The following MECOM variants were observed in gnomAD, a reference collection of about 807,000 sequenced individuals.
MECOM encodes the protein MDS1 and EVI1 complex locus.
MECOM carries 13 observed loss-of-function variants against 116.3 expected under a neutral mutation model. That is an observed-to-expected ratio of 0.11 (90% CI 0.07 to 0.18). MECOM has a LOEUF of 0.18. MECOM is among the 10% of genes least tolerant of loss of function. The probability of loss-of-function intolerance (pLI) is 1.00; values close to 1 mark genes in which losing one functional copy is unlikely to be tolerated. For missense variants in MECOM, 1,299 were observed against 1,509.0 expected, an observed-to-expected ratio of 0.86 and a Z score of 2.31; for synonymous variants, 528 against 535.2, an observed-to-expected ratio of 0.99 and a Z score of 0.19.
chr3:169,270,909 TA>T (rs1329238974), intron 2 of MECOM, among the ~76,000 whole-genome samples: 1 of 152,212 alleles, frequency 6.6e-6, no homozygotes, highest in Non-Finnish European at 1.5e-5. Flanking sequence ...AAAACTTTAG[TA>T]AAAATTATTG....
At chr3:169,114,989 T>C (rs112908379) in intron 8 of MECOM, among the ~76,000 whole-genome samples, 123 of 152,058 alleles carry the variant, frequency 8.1e-4, no homozygotes, top group African/African-American at 2.8e-3. Context: ...CTGTTAGATA[T>C]CCCCCCCATT....
intron 1 of MECOM, among the ~76,000 whole-genome samples, chr3:169,485,119 TGA>T (rs910969723): frequency 2.4e-4 from 37 of 152,074 alleles, no homozygotes; most frequent in African/African-American, 8.2e-4. Flanking sequence ...CTCAGTCTCC[TGA>T]GTAGCTGGGA....
chr3:169,373,262 C>A (rs1421453022), intron 2 of MECOM, among the ~76,000 whole-genome samples: 1 of 151,970 alleles, frequency 6.6e-6, no homozygotes, highest in African/African-American at 2.4e-5. Context: ...GAGAGAAAAT[C>A]ATACAAATGA....
At chr3:169,213,171 C>CA (rs2149479634) in intron 2 of MECOM, among the ~76,000 whole-genome samples, 1 of 151,882 alleles carries the variant, frequency 6.6e-6, no homozygotes, top group East Asian at 1.9e-4. Flanking sequence ...TCCATGAGGG[C>CA]AAAAATAGTT....
At chr3:169,604,308 A>T (rs1299486633) in intron 1 of MECOM, among the ~76,000 whole-genome samples, 1 of 150,534 alleles carries the variant, frequency 6.6e-6, no homozygotes, top group East Asian at 2.0e-4. Context: ...TCACATACAC[A>T]TACTCACTAG....
chr3:169,415,807 T>A (rs1373495560), intron 1 of MECOM, among the ~76,000 whole-genome samples: 2 of 151,938 alleles, frequency 1.3e-5, no homozygotes, highest in African/African-American at 4.8e-5. Flanking sequence ...AAGGAATCAA[T>A]GCAACAAGAA....
chr3:169,445,989 A>G (rs1012912166), intron 1 of MECOM, among the ~76,000 whole-genome samples: 1 of 152,162 alleles, frequency 6.6e-6, no homozygotes, highest in African/African-American at 2.4e-5. Flanking sequence ...CTGTACCCCC[A>G]TTGTAGCTAG....
intron 2 of MECOM, among the ~76,000 whole-genome samples, chr3:169,288,291 A>G (rs1560091648): frequency 6.6e-6 from 1 of 152,184 alleles, no homozygotes; most frequent in Non-Finnish European, 1.5e-5. Flanking sequence ...GGCAAGAAAA[A>G]TAAATATAAG....
intron 1 of MECOM, among the ~76,000 whole-genome samples, chr3:169,405,773 G>T (rs2108423567): frequency 6.6e-6 from 1 of 152,258 alleles, no homozygotes; most frequent in East Asian, 1.9e-4. Context: ...AAATCTCTCA[G>T]TATCTATTCA....
intron 1 of MECOM, among the ~76,000 whole-genome samples, chr3:169,596,370 G>A (rs537989588): frequency 1.3e-5 from 2 of 152,204 alleles, no homozygotes; most frequent in East Asian, 1.9e-4. Flanking sequence ...ACCCTTGATC[G>A]GGCAAACGTA....
chr3:169,404,045 A>T (rs1314373824), intron 1 of MECOM, among the ~76,000 whole-genome samples: 1 of 152,184 alleles, frequency 6.6e-6, no homozygotes, highest in East Asian at 1.9e-4. Context: ...AGACCAAATC[A>T]GTCATTGTTG....
At chr3:169,394,592 G>A (rs531306963) in intron 1 of MECOM, among the ~76,000 whole-genome samples, 3 of 152,072 alleles carry the variant, frequency 2.0e-5, no homozygotes, top group South Asian at 4.2e-4. Context: ...GCAGAGGTAC[G>A]GCAGACACAG....
At chr3:169,221,728 A>C (rs1752162210) in intron 2 of MECOM, among the ~76,000 whole-genome samples, 1 of 152,164 alleles carries the variant, frequency 6.6e-6, no homozygotes, top group South Asian at 2.1e-4. Flanking sequence ...CTGGTAAAAT[A>C]GAAAAAAAAT....
intron 7 of MECOM, 23 bp from the exon 8 acceptor site, chr3:169,116,762 A>T (rs1016131275): frequency 6.4e-7 from 1 of 1,552,180 alleles, no homozygotes; most frequent in African/African-American, 1.4e-5. Context: ...AACAAAAAAG[A>T]ATCTCAGGCT....
rs956257238 is a variant in MECOM, at chr3:169,237,704, A to T, written c.376-93872T>A. ...TAAAAGAATGACTATGCTTCCCAAA[A>T]ATCACTGCATACCTGAACACCAGAG... On this transcript the variant is annotated intron_variant, in intron 2 of 16. Coordinates refer to ENST00000651503, the MANE Select transcript of MECOM (RefSeq NM_004991.4). Among the ~76,000 whole-genome samples, 15 of 152,110 alleles carry T rather than the reference A, an allele frequency of 9.9e-5. No homozygotes were observed. In the East Asian group the frequency reaches 2.3e-3, roughly 24 times the overall value.
chr3:169,097,951 C>G (rs781055338), intron 12 of MECOM, among the ~76,000 whole-genome samples: 4 of 151,090 alleles, frequency 2.6e-5, no homozygotes, highest in Non-Finnish European at 5.9e-5. Context: ...GTATTAAAAC[C>G]TAATAGAACT....
At chr3:169,521,741 A>G (rs77384892) in intron 1 of MECOM, among the ~76,000 whole-genome samples, 3,110 of 152,300 alleles carry the variant, frequency 0.02, 107 homozygotes, top group African/African-American at 0.071. Flanking sequence ...TGCACACTCA[A>G]GTTTGAGAAA....
chr3:169,569,281 C>CAAG (rs1763606091), intron 1 of MECOM, among the ~76,000 whole-genome samples: 1 of 151,852 alleles, frequency 6.6e-6, no homozygotes, highest in African/African-American at 2.4e-5. Flanking sequence ...ATCAATGCAA[C>CAAG]AAGAAGAGCT....
At chr3:169,331,089 T>C (rs909436395) in intron 2 of MECOM, among the ~76,000 whole-genome samples, 7 of 152,128 alleles carry the variant, frequency 4.6e-5, no homozygotes, top group African/African-American at 1.7e-4. Context: ...CCCTGTTTAT[T>C]ATGTTCTAGA....
Sources: gnomAD v4.1 joint callset for allele counts (sites outside exome capture counted in the v4.1 genomes callset) on GRCh38, gnomAD v4.1.1 for gene constraint, MANE v1.5 for transcripts, NCBI Gene and HGNC (gene_info 2026-07-23, HGNC 2026-07-21) for gene names.